Variants in PLCL1 observed in about 807,000 individuals in gnomAD.
The protein encoded by PLCL1 is inactive phospholipase C-like protein 1.
In PLCL1, 41 loss-of-function variants were observed where a neutral mutation model predicts 84.4. The ratio of observed to expected loss-of-function variants is 0.49; its 90% CI spans 0.38 to 0.63. The LOEUF (loss-of-function observed/expected upper bound fraction) is 0.63. Ranked by LOEUF, PLCL1 falls within the 30% of genes least tolerant of loss-of-function variation. The pLI, the probability that PLCL1 is intolerant of heterozygous loss-of-function variation, is 0.00. For synonymous variants in PLCL1, 490 were observed against 488.3 expected (o/e 1.00, Z -0.05); for missense variants, 1,206 against 1,367.8 (o/e 0.88, Z 1.87).
At chr2:197,878,685 A>T (rs1364080783) in intron 1 of PLCL1, among the ~76,000 whole-genome samples, 1 of 152,162 alleles carries the variant, frequency 6.6e-6, no homozygotes, top group Non-Finnish European at 1.5e-5. Flanking sequence ...AAAGTATAAT[A>T]GAAAAGTAGT....
At position 197,805,159 on chromosome 2, in the gene PLCL1, A is replaced by G; in HGVS notation, c.60A>G (p.Glu20=). 7.7e-7 allele frequency: 1 copy of G among 1,303,466 alleles called. No homozygotes were observed. Among genetic ancestry groups the G allele is most frequent in the Non-Finnish European group, 9.7e-7 (1 of 1,030,828 alleles). The allele number at this position is 1,303,466 out of a possible 1,614,324, so 80.7% of individuals were successfully genotyped here. A position where few individuals can be genotyped will look rare whatever the true frequency, so the allele number is the denominator to read the frequency against. The change falls in exon 1 of 6, where the codon GAA becomes GAG. Residue 20 remains glutamate, a synonymous_variant. Transcript: ENST00000428675. This position sits in a 1 kb window ranked among gnomAD's most constrained non-coding sequence, Gnocchi z 4.0. ...CGCCGCCCGACGCGGCGGGGGGCGA[A>G]GACGACCCCCGAGTGGGCCCGGATG... ...DPAPPDAAGG[E]DDPRVGPDAA...
intron 1 of PLCL1, among the ~76,000 whole-genome samples, chr2:198,037,245 A>G (rs1691570096): frequency 6.6e-6 from 1 of 152,238 alleles, no homozygotes; most frequent in African/African-American, 2.4e-5. Context: ...AATAAAAATC[A>G]GGATAATAGA....
intron 1 of PLCL1, among the ~76,000 whole-genome samples, chr2:197,941,009 T>A (rs925267470): frequency 1.2e-4 from 18 of 152,068 alleles, no homozygotes; most frequent in African/African-American, 4.4e-4. Context: ...ATATGCTTTT[T>A]AAGTTAAAAA....
chr2:197,811,529 C>T (rs944978855), intron 1 of PLCL1, among the ~76,000 whole-genome samples: 2 of 152,140 alleles, frequency 1.3e-5, no homozygotes, highest in African/African-American at 4.8e-5. Flanking sequence ...TTTACATTAT[C>T]ATTATCACTT....
chr2:197,846,829 C>A (rs948635435), intron 1 of PLCL1, among the ~76,000 whole-genome samples: 1 of 152,014 alleles, frequency 6.6e-6, no homozygotes, highest in South Asian at 2.1e-4. Context: ...AAGGTGGAGA[C>A]ATATATGGAT....
chr2:197,934,491 G>A (rs1283066479), intron 1 of PLCL1, among the ~76,000 whole-genome samples: 4 of 152,040 alleles, frequency 2.6e-5, no homozygotes, highest in Admixed American at 2.6e-4. Flanking sequence ...CAAGACAGAA[G>A]GTTTCTTTTT....
chr2:198,060,515 C>A (rs1401206063), intron 1 of PLCL1, among the ~76,000 whole-genome samples: 1 of 152,128 alleles, frequency 6.6e-6, no homozygotes, highest in Non-Finnish European at 1.5e-5. Context: ...GTACCTCTGG[C>A]CGAGTTGGAA....
intron 1 of PLCL1, among the ~76,000 whole-genome samples, chr2:197,977,164 CAAT>C (rs1359294991): frequency 6.6e-6 from 1 of 152,154 alleles, no homozygotes. Context: ...TTTTTGTTAA[CAAT>C]AAGGAAAATC....
intron 1 of PLCL1, among the ~76,000 whole-genome samples, chr2:197,808,808 T>C (rs1690530499): frequency 6.6e-6 from 1 of 152,260 alleles, no homozygotes; most frequent in Non-Finnish European, 1.5e-5. Flanking sequence ...TGATTTTTCT[T>C]CCATTGTATG....
intron 5 of PLCL1, among the ~76,000 whole-genome samples, chr2:198,131,822 C>T (rs2105936988): frequency 6.6e-6 from 1 of 152,306 alleles, no homozygotes; most frequent in East Asian, 1.9e-4. Context: ...AAACGGGACT[C>T]ATTCAGGCTT....
intron 1 of PLCL1, among the ~76,000 whole-genome samples, chr2:197,923,447 G>T (rs764577872): frequency 6.9e-6 from 1 of 145,526 alleles, no homozygotes; most frequent in Non-Finnish European, 1.5e-5. Flanking sequence ...CAGACGGGGC[G>T]GCCGGGCAGA....
intron 1 of PLCL1, among the ~76,000 whole-genome samples, chr2:198,078,786 G>A (rs1692641476): frequency 6.6e-6 from 1 of 152,094 alleles, no homozygotes; most frequent in South Asian, 2.1e-4. Flanking sequence ...TGCTCATGAG[G>A]TCAAAGGCAG....
chr2:198,030,225 G>T lies in PLCL1; in HGVS notation c.241-53533G>T, dbSNP rs922428844. On this transcript the variant is annotated intron_variant, in intron 1 of 5. Transcript: ENST00000428675. Reference sequence around the variant, plus strand: ...GTTCCCCTATATGTGTCCATGAGTTGTCATCATTTAGCTCCCACTTATAAG... The same window carrying T: ...GTTCCCCTATATGTGTCCATGAGTTTTCATCATTTAGCTCCCACTTATAAG... Among the ~76,000 whole-genome samples the T allele has an allele frequency of 2.0e-5, 3 of 151,668 alleles. No homozygotes were observed. In the South Asian group the frequency reaches 6.2e-4, roughly 32 times the overall value.
At position 198,085,996 on chromosome 2, in the gene PLCL1, C is replaced by A; in HGVS notation, c.2479C>A (p.Pro827Thr). ...TTTGCAGCCTGGATATCGGCATGTT[C>A]CCCTGCGTTCTTTTGTGGGTGACAT... ...ECLQPGYRHV[P>T]LRSFVGDIME... is the part of the protein sequence containing the mutation. The change falls in exon 2 of 6, where the codon CCC (proline) becomes ACC (threonine). Residue 827 changes from proline to threonine, a missense_variant. Physicochemically the swap from Pro to Thr is conservative, Grantham distance 38 (BLOSUM62 -1). Coordinates refer to ENST00000428675, the MANE Select transcript of PLCL1 (RefSeq NM_006226.4). This position sits in a 1 kb window ranked among gnomAD's most constrained non-coding sequence, Gnocchi z 5.3. 6.2e-7 allele frequency: 1 copy of A among 1,613,992 alleles called. No individual in the cohort carries two copies. Among genetic ancestry groups the A allele is most frequent in the Non-Finnish European group, 8.5e-7 (1 of 1,179,954 alleles).
chr2:198,092,020 AG>A (rs1211625805), intron 3 of PLCL1, among the ~76,000 whole-genome samples: 6 of 149,640 alleles, frequency 4.0e-5, no homozygotes. Context: ...CTGCCTCTTT[AG>A]TTTTACCTGC....
chr2:198,016,459 G>T (rs1025549), intron 1 of PLCL1, among the ~76,000 whole-genome samples: 1 of 151,930 alleles, frequency 6.6e-6, no homozygotes, highest in African/African-American at 2.4e-5. Flanking sequence ...AGTGCTCTAC[G>T]CAACTGTAAG....
chr2:197,876,886 A>T (rs751792989), intron 1 of PLCL1, among the ~76,000 whole-genome samples: 1 of 152,184 alleles, frequency 6.6e-6, no homozygotes, highest in Non-Finnish European at 1.5e-5. Context: ...TATAGATTTT[A>T]TTTATAGGCA....
chr2:197,932,359 T>C (rs1366212763), intron 1 of PLCL1, among the ~76,000 whole-genome samples: 1 of 152,176 alleles, frequency 6.6e-6, no homozygotes, highest in Non-Finnish European at 1.5e-5. Flanking sequence ...AACTATTTTT[T>C]AAAAATTTAA....
chr2:197,864,717 G>A (rs1265591564), intron 1 of PLCL1, among the ~76,000 whole-genome samples: 2 of 152,050 alleles, frequency 1.3e-5, no homozygotes, highest in Non-Finnish European at 2.9e-5. Flanking sequence ...CAAGCCTTCT[G>A]CCTGCCTTGG....
Sources: gnomAD v4.1 joint callset for allele counts (sites outside exome capture counted in the v4.1 genomes callset) on GRCh38, gnomAD v4.1.1 for gene constraint, Gnocchi (gnomAD v3.1) non-coding constraint, MANE v1.5 for transcripts, NCBI Gene and HGNC (gene_info 2026-07-23, HGNC 2026-07-21) for gene names.